GDPD2: variants seen among roughly 807,000 people sequenced by gnomAD.
GDPD2 encodes glycerophosphodiester phosphodiesterase 3.
In GDPD2, 23 loss-of-function variants were observed where a neutral mutation model predicts 49.2. That is an observed-to-expected ratio of 0.47 (90% confidence interval 0.34 to 0.66). The LOEUF is 0.66. GDPD2 is among the 30% of genes least tolerant of loss of function. GDPD2 has a pLI of 0.01. For synonymous variants in GDPD2, 167 were observed against 171.4 expected (o/e 0.97, Z 0.20); for missense variants, 338 against 424.7 (o/e 0.80, Z 1.79).
chrX:70,430,563 G>A, intron 12 of GDPD2, among the ~76,000 whole-genome samples: 1 of 111,190 alleles, frequency 9.0e-6, no homozygotes, highest in South Asian at 3.9e-4. Context: ...AATTGGGTAG[G>A]ACCTTGTAGG....
chrX:70,426,913 A>T lies in GDPD2; in HGVS notation c.604A>T (p.Ile202Phe). 8.3e-7 allele frequency: 1 copy of T among 1,208,073 alleles called. No homozygotes were observed. Among genetic ancestry groups the T allele is most frequent in the Non-Finnish European group, 1.1e-6 (1 of 892,417 alleles). ...CCTATTTTTTGGAGTTGTCCTGGTC[A>T]TCTACTTGGCCCCCCTATGCATCTC... ...LLLFFGVVLVIYLAPLCISSP... is the reference protein window; with the variant it reads ...LLLFFGVVLVFYLAPLCISSP... The change falls in exon 8 of 16, where the codon ATC (isoleucine) becomes TTC (phenylalanine). Residue 202 changes from isoleucine (I) to phenylalanine (F), a missense_variant. Physicochemically the swap from Ile to Phe is conservative, Grantham distance 21 (BLOSUM62 0). Around this residue, in one of 3 missense-constraint regions of GDPD2, gnomAD observed 253 missense variants for 330.4 expected, o/e 0.77. Coordinates refer to ENST00000374382, the MANE Select transcript of GDPD2 (RefSeq NM_017711.4).
In GDPD2 at chrX:70,426,735, C is replaced by T. The variant is rs762413277; in HGVS notation, c.550C>T (p.Arg184Ter). 2 of 1,196,784 alleles carry T rather than the reference C, an allele frequency of 1.7e-6. No homozygotes were observed. The highest frequency in any genetic ancestry group is 1.8e-5 in the African/African-American group (1 of 56,886). The change falls in exon 7 of 16, where the codon CGA becomes TGA. Residue 184 changes from arginine to a stop codon, truncating the protein, a stop_gained. Coordinates refer to ENST00000374382, the MANE Select transcript of GDPD2 (RefSeq NM_017711.4). LOFTEE classifies it high-confidence loss of function. Reference sequence around the variant, plus strand: ...GGCTGATACCTTCTACCGTATCCACCGAAGAGGTGCCAACGCTGCTGCCCC... The same window carrying T: ...GGCTGATACCTTCTACCGTATCCACTGAAGAGGTGCCAACGCTGCTGCCCC... ...PVADTFYRIH[R>*]RGPKILLLLL... is the part of the protein sequence containing the mutation.
chrX:70,425,293 G>C, intron 2 of GDPD2, 61 bp from the exon 3 acceptor site: 2 of 841,141 alleles, frequency 2.4e-6, no homozygotes, highest in Non-Finnish European at 3.6e-6. Flanking sequence ...GCTGCCACCC[G>C]TTGGGGACTC....
At chrX:70,432,163 G>A in intron 12 of GDPD2, 144 bp from the exon 13 acceptor site, 2 of 496,680 alleles carry the variant, frequency 4.0e-6, no homozygotes, top group Non-Finnish European at 6.9e-6. Context: ...GAAAATCATT[G>A]TTGGTCAGGG....
At chrX:70,424,905 G>A (rs2086406267) in intron 1 of GDPD2, 71 bp from the exon 2 acceptor site, 8 of 683,829 alleles carry the variant, frequency 1.2e-5, no homozygotes, top group Middle Eastern at 4.8e-4. Context: ...GGGCTCCTCA[G>A]ATACACTAGG....
chrX:70,425,237 G>GC lies in GDPD2; in HGVS notation c.106-111dup, dbSNP rs778097002. ...ATCTCCCTCAAATATGGAAAGAGCT[G>GC]CCCCCCGAGCAGAGCAGCCCAACAC... On this transcript the variant is annotated intron_variant, in intron 2 of 15. Coordinates refer to ENST00000374382, the MANE Select transcript of GDPD2 (RefSeq NM_017711.4). The GC allele has an allele frequency of 9.2e-6, 6 of 655,199 alleles. No individual in the cohort carries two copies. The South Asian group carries it at 9.6e-5, about 10-fold the overall frequency. The allele number at this position is 655,199 out of a possible 1,213,427, so 54.0% of individuals were successfully genotyped here. A position where few individuals can be genotyped will look rare whatever the true frequency, so the allele number is the denominator to read the frequency against.
At chrX:70,425,252 C>A in intron 2 of GDPD2, 102 bp from the exon 3 acceptor site, 1 of 677,680 alleles carries the variant, frequency 1.5e-6, no homozygotes, top group Non-Finnish European at 2.4e-6. Context: ...CCGAGCAGAG[C>A]AGCCCAACAC....
intron 10 of GDPD2, 144 bp from the exon 11 acceptor site, chrX:70,429,349 A>G (rs749877406): frequency 1.1e-4 from 49 of 452,793 alleles, no homozygotes; most frequent in Non-Finnish European, 1.3e-4. Flanking sequence ...ACGGTCTGGA[A>G]GAAGGCCACA....
chrX:70,430,778 T>C (rs892574400), intron 12 of GDPD2, among the ~76,000 whole-genome samples: 4 of 110,285 alleles, frequency 3.6e-5, no homozygotes, highest in African/African-American at 1.3e-4. Context: ...ATCATACATA[T>C]TTCTTTTTTT....
In GDPD2 at chrX:70,427,367, T is replaced by G; in HGVS notation, c.840T>G (p.Asn280Lys). The G allele has an allele frequency of 8.3e-7, 1 of 1,208,145 alleles. No individual in the cohort carries two copies. The highest frequency in any genetic ancestry group is 1.1e-6 in the Non-Finnish European group (1 of 892,496). The part of the protein sequence containing the change: ...MHDEHLSRTT[N>K]VASVFPTRIT... The stretch of plus-strand genomic sequence containing the variant: ...ATGAGCACCTCAGCAGGACCACGAA[T>G]GTAGCCTCTGTATTCCCAACCCGAA... The change falls in exon 10 of 16, where the codon AAT (asparagine) becomes AAG (lysine). Residue 280 changes from asparagine to lysine, a missense_variant. Physicochemically the swap from Asn to Lys is moderately conservative, Grantham distance 94. Coordinates refer to ENST00000374382, the MANE Select transcript of GDPD2 (RefSeq NM_017711.4).
At chrX:70,426,545 C>T (rs1851838339) in intron 6 of GDPD2, 76 bp downstream of exon 6, 1 of 1,042,627 alleles carries the variant, frequency 9.6e-7, no homozygotes, top group African/African-American at 1.8e-5. Context: ...CGCTCCTGTT[C>T]CCCCAAGACT....
intron 1 of GDPD2, among the ~76,000 whole-genome samples, chrX:70,424,512 C>T (rs1200541555): frequency 1.8e-5 from 2 of 111,936 alleles, no homozygotes; most frequent in Non-Finnish European, 3.8e-5. Context: ...CTCCTGCTTC[C>T]TGGGCTGGAA....
intron 11 of GDPD2, 99 bp from the exon 12 acceptor site, chrX:70,429,816 C>T (rs1448140099): frequency 9.2e-7 from 1 of 1,081,745 alleles, no homozygotes. Flanking sequence ...TGCCCCAGCT[C>T]ACATACCCCA....
chrX:70,429,619 G>A lies in GDPD2; in HGVS notation c.1063G>A (p.Asp355Asn). ...AGCCCTCAACCTTTCCATCATGTTC[G>A]ACTTGCGCCGACCCCCACAGAACCA... ...AAALNLSIMF[D>N]LRRPPQNHTY... Residue 355 changes from aspartate (D) to asparagine (N), a missense_variant, in exon 11 of 16, where the codon GAC becomes AAC. Coordinates refer to ENST00000374382, the MANE Select transcript of GDPD2 (RefSeq NM_017711.4). 1 of 1,207,606 alleles carries A rather than the reference G, an allele frequency of 8.3e-7. No homozygotes were observed. The highest frequency in any genetic ancestry group is 1.1e-6 in the Non-Finnish European group (1 of 892,561).
chrX:70,427,662 C>A, intron 10 of GDPD2, 199 bp downstream of exon 10: 1 of 390,345 alleles, frequency 2.6e-6, no homozygotes, highest in Non-Finnish European at 4.4e-6. Context: ...CATTTTCCTG[C>A]CTGGGAGAGA....
chrX:70,425,652 G>C, intron 3 of GDPD2, 111 bp from the exon 4 acceptor site: 2 of 570,464 alleles, frequency 3.5e-6, no homozygotes, highest in Non-Finnish European at 3.1e-6. Context: ...GCCACGAGGG[G>C]CTTTCTCCTC....
chrX:70,427,655 T>C (rs2086438263), intron 10 of GDPD2, 192 bp downstream of exon 10: 1 of 396,320 alleles, frequency 2.5e-6, no homozygotes, highest in Admixed American at 4.2e-5. Context: ...ATAAAAACAT[T>C]TTCCTGCCTG....
At chrX:70,427,252 G>T in intron 9 of GDPD2, 33 bp downstream of exon 9, 2 of 1,199,392 alleles carry the variant, frequency 1.7e-6, no homozygotes, top group Non-Finnish European at 2.3e-6. Flanking sequence ...GGATCTGGGG[G>T]GCTGAAGGAC....
intron 6 of GDPD2, 28 bp downstream of exon 6, chrX:70,426,497 C>T (rs775617807): frequency 7.7e-6 from 9 of 1,161,611 alleles, no homozygotes; most frequent in Admixed American, 4.4e-5. Context: ...AGTGTCTAGA[C>T]GGGAGCCTTG....
Sources: allele counts gnomAD v4.1 joint callset (sites outside exome capture counted in the v4.1 genomes callset), GRCh38; gene constraint gnomAD v4.1.1; regional missense constraint gnomAD v4.1.1; transcripts MANE v1.5; gene names NCBI Gene and HGNC (gene_info 2026-07-23, HGNC 2026-07-21).